The following CAMK2G variants were observed in gnomAD, a reference collection of about 807,000 sequenced individuals.
CAMK2G encodes the protein calcium/calmodulin dependent protein kinase II gamma.
In CAMK2G, 23 loss-of-function variants were observed where a neutral mutation model predicts 88.7. The observed-to-expected ratio is 0.26, with a 90% CI of 0.19 to 0.37. CAMK2G has a LOEUF of 0.37. Among genes scored for constraint, CAMK2G ranks in the 10% least tolerant of loss-of-function variants. The pLI is 1.00. For missense variants in CAMK2G, 476 were observed against 780.8 expected (o/e 0.61, Z 4.65); for synonymous variants, 263 against 294.8 (o/e 0.89, Z 1.11).
chr10:73,829,461 A>T (rs2091964667), intron 14 of CAMK2G, among the ~76,000 whole-genome samples: 2 of 149,814 alleles, frequency 1.3e-5, no homozygotes, highest in Admixed American at 1.3e-4. Flanking sequence ...CGCCCCACTG[A>T]TTTTTTTTTG....
In CAMK2G at chr10:73,847,294, G is replaced by A. The variant is rs369493011; in HGVS notation, c.750C>T (p.Asn250=). The change falls in exon 10 of 23, where the codon AAC becomes AAT. Residue 250 remains asparagine, a synonymous_variant. Transcript: ENST00000423381. ...TTGCTGGGTTTATGGTCAGCATCTGGTTGATCAAGTTCTTGGCTTCAGGAG... is the reference window on the plus strand; with the variant it reads ...TTGCTGGGTTTATGGTCAGCATCTGATTGATCAAGTTCTTGGCTTCAGGAG... ...TVTPEAKNLI[N]QMLTINPAKR... is the part of the protein sequence containing the mutation. The A allele has an allele frequency of 7.0e-5, 113 of 1,614,022 alleles. No individual in the cohort carries two copies. The highest frequency in any genetic ancestry group is 9.2e-5 in the Non-Finnish European group (108 of 1,179,982).
intron 14 of CAMK2G, among the ~76,000 whole-genome samples, chr10:73,835,656 C>CA (rs1446245160): frequency 2.0e-5 from 3 of 152,166 alleles, no homozygotes; most frequent in African/African-American, 7.2e-5. Context: ...TGGTATTTCC[C>CA]ATGGTCTGAC....
At chr10:73,850,429 C>A (rs377432704) in intron 5 of CAMK2G, among the ~76,000 whole-genome samples, 3 of 152,224 alleles carry the variant, frequency 2.0e-5, no homozygotes, top group Admixed American at 6.5e-5. Flanking sequence ...CCCGCCCCCC[C>A]CCACCGCAGG....
intron 14 of CAMK2G, among the ~76,000 whole-genome samples, chr10:73,832,556 C>T (rs951888113): frequency 6.6e-6 from 1 of 152,116 alleles, no homozygotes; most frequent in African/African-American, 2.4e-5. Context: ...CTGTCTGCCT[C>T]GGGCTCCCAA....
intron 2 of CAMK2G, among the ~76,000 whole-genome samples, chr10:73,867,537 G>A (rs921808035): frequency 6.6e-6 from 1 of 152,174 alleles, no homozygotes; most frequent in African/African-American, 2.4e-5. Flanking sequence ...GCAGCAAGCA[G>A]GGGGGAAGGG....
chr10:73,837,309 CCAG>C, intron 14 of CAMK2G, 156 bp downstream of exon 14: 14 of 725,890 alleles, frequency 1.9e-5, no homozygotes, highest in South Asian at 7.4e-5. Context: ...CCCTCTCAGG[CCAG>C]CAGAACCTTC....
chr10:73,841,274 C>T (rs1160285484), intron 12 of CAMK2G, among the ~76,000 whole-genome samples: 2 of 152,020 alleles, frequency 1.3e-5, no homozygotes. Context: ...CATGGTGGTG[C>T]AGAGGGGAAG....
In CAMK2G at chr10:73,848,406, T is replaced by C; in HGVS notation, c.601+120A>G. The C allele has an allele frequency of 1.4e-6, 1 of 734,534 alleles. No homozygotes were observed. Among genetic ancestry groups the C allele is most frequent in the Non-Finnish European group, 2.5e-6 (1 of 406,930 alleles). 45.5% of individuals were successfully genotyped at this position (734,534 alleles called of 1,614,324 possible). ...ACAGCCATCCCAGGGGCAAACACCA[T>C]AATTTCACATACACCAGGCACGTGT... On this transcript the variant is annotated intron_variant, in intron 8 of 22. Coordinates refer to ENST00000423381, the MANE Select transcript of CAMK2G (RefSeq NM_001367534.1). The surrounding 1 kb of genome is among the most constrained non-coding windows in gnomAD (Gnocchi z 4.5).
At chr10:73,866,043 A>C (rs751874378) in intron 2 of CAMK2G, among the ~76,000 whole-genome samples, 1 of 152,186 alleles carries the variant, frequency 6.6e-6, no homozygotes, top group African/African-American at 2.4e-5. Context: ...AGGTGGCAAC[A>C]GGAGCAGAAA....
chr10:73,819,678 G>T, intron 18 of CAMK2G, 33 bp from the exon 19 acceptor site: 1 of 1,363,412 alleles, frequency 7.3e-7, no homozygotes, highest in Non-Finnish European at 1.0e-6. Context: ...GGCAGGGCAA[G>T]GCAGAGCAGC....
intron 5 of CAMK2G, among the ~76,000 whole-genome samples, chr10:73,849,987 C>T (rs1255979902): frequency 6.6e-6 from 1 of 152,058 alleles, no homozygotes; most frequent in Non-Finnish European, 1.5e-5. Context: ...AGAAAAAAAC[C>T]CAAAGTTATT....
intron 3 of CAMK2G, among the ~76,000 whole-genome samples, chr10:73,859,227 T>C (rs1299279249): frequency 6.6e-6 from 1 of 152,152 alleles, no homozygotes; most frequent in Non-Finnish European, 1.5e-5. Flanking sequence ...AGGTGGGTAA[T>C]GCAAATGTGA....
In CAMK2G at chr10:73,820,663, A is replaced by ATTTTTTT. The variant is rs1198716305; in HGVS notation, c.1249+1012_1249+1018dup. ...AGGACCCCGCCACCACACCCGGCTAATTTTTTTTTTTTTTTTTTTTTTTTT... is the reference window on the plus strand; with the variant it reads ...AGGACCCCGCCACCACACCCGGCTAATTTTTTTTTTTTTTTTTTTTTTTTTTTTTTTT... On this transcript the variant is annotated intron_variant, in intron 18 of 22. Transcript: ENST00000423381. Among the ~76,000 whole-genome samples, 110 of 46,130 alleles carry ATTTTTTT rather than the reference A, an allele frequency of 2.4e-3. 3 individuals carry two copies. The highest frequency in any genetic ancestry group is 0.014 in the African/African-American group (102 of 7,202). The allele number at this position is 46,130 out of a possible 152,430, so 30.3% of individuals were successfully genotyped here.
At chr10:73,828,196 T>C in intron 14 of CAMK2G, 75 bp from the exon 15 acceptor site, 2 of 1,228,514 alleles carry the variant, frequency 1.6e-6, no homozygotes, top group Non-Finnish European at 2.4e-6. Context: ...ACGCTGCAGG[T>C]TAGCGCACCA....
intron 1 of CAMK2G, chr10:73,873,533 A>G (rs1408965411): frequency 1.0e-6 from 1 of 1,001,028 alleles, no homozygotes; most frequent in Non-Finnish European, 1.2e-6. Flanking sequence ...CCTGAAAGAG[A>G]AATCTCCCTC....
chr10:73,833,011 C>T (rs1441762041), intron 14 of CAMK2G, among the ~76,000 whole-genome samples: 1 of 149,684 alleles, frequency 6.7e-6, no homozygotes, highest in Admixed American at 6.7e-5. Context: ...GTCACCCAGG[C>T]TGGAGCGCAG....
chr10:73,847,228 G>A lies in CAMK2G; in HGVS notation c.816C>T (p.Val272=), dbSNP rs750306703. 6 of 1,614,076 alleles carry A rather than the reference G, an allele frequency of 3.7e-6. No individual in the cohort carries two copies. Among genetic ancestry groups the A allele is most frequent in the Admixed American group, 1.7e-5 (1 of 60,008 alleles). ...TADQALKHPW[V]CQRSTVASMM... ...GGCCACTAGCAAAGACACTTACACA[G>A]ACCCACGGGTGCTTGAGAGCCTGGT... is the stretch of plus-strand genomic sequence containing the variant. The change falls in exon 10 of 23, where the codon GTC becomes GTT. Residue 272 remains valine, a synonymous_variant. Transcript: ENST00000423381.
intron 5 of CAMK2G, among the ~76,000 whole-genome samples, chr10:73,851,795 G>A (rs2094648399): frequency 6.6e-6 from 1 of 151,890 alleles, no homozygotes; most frequent in Non-Finnish European, 1.5e-5. Context: ...ACGCAGGCTG[G>A]AGTGCAGTGG....
chr10:73,865,328 G>A (rs568765338), intron 2 of CAMK2G, among the ~76,000 whole-genome samples: 9 of 152,154 alleles, frequency 5.9e-5, no homozygotes, highest in Non-Finnish European at 1.3e-4. Flanking sequence ...AGAGGGGAAC[G>A]CCGCAGGAAG....
Sources: allele counts gnomAD v4.1 joint callset (sites outside exome capture counted in the v4.1 genomes callset), GRCh38; gene constraint gnomAD v4.1.1; non-coding constraint Gnocchi (gnomAD v3.1); transcripts MANE v1.5; gene names NCBI Gene and HGNC (gene_info 2026-07-23, HGNC 2026-07-21).